CLMN: variants seen among roughly 807,000 people sequenced by gnomAD.
The protein encoded by CLMN is calmin.
A neutral mutation model predicts 92.7 loss-of-function variants in CLMN; 57 were observed. The ratio of observed to expected loss-of-function variants is 0.61; its 90% CI spans 0.50 to 0.77. CLMN has a LOEUF of 0.77. CLMN is among the 30% of genes least tolerant of loss of function. The pLI is 0.00. For missense variants in CLMN, 1,158 were observed against 1,237.5 expected, an observed-to-expected ratio of 0.94 and a Z score of 0.96; for synonymous variants, 466 against 470.6, an observed-to-expected ratio of 0.99 and a Z score of 0.13.
chr14:95,193,763 G>A, intron 12 of CLMN, 86 bp downstream of exon 12: 2 of 1,499,754 alleles, frequency 1.3e-6, no homozygotes, highest in Admixed American at 1.9e-5. Flanking sequence ...AAAGCAGTGG[G>A]AGAATAACCA....
chr14:95,230,097 C>T lies in CLMN; in HGVS notation c.119G>A (p.Arg40Gln). The change falls in exon 2 of 13, where the codon CGA becomes CAA. Residue 40 changes from arginine to glutamine, a missense_variant. Arg to Gln is a conservative substitution (Grantham distance 43, BLOSUM62 1). Transcript: ENST00000298912. Reference sequence around the variant, plus strand: ...CTTTTCTAGATGTAGATTTATCCATCGTGTAAAGGTCCTCTTCTGCACATT... The same window carrying T: ...CTTTTCTAGATGTAGATTTATCCATTGTGTAAAGGTCCTCTTCTGCACATT... ...RENVQKRTFT[R>Q]WINLHLEKCN... is the part of the protein sequence containing the mutation. 1 of 1,614,184 alleles carries T rather than the reference C, an allele frequency of 6.2e-7. No homozygotes were observed. The highest frequency in any genetic ancestry group is 2.2e-5 in the East Asian group (1 of 44,890).
At chr14:95,193,038 C>A (rs1301816614) in intron 12 of CLMN, 1 of 344,902 alleles carries the variant, frequency 2.9e-6, no homozygotes, top group Non-Finnish European at 5.2e-6. Context: ...GGATGGGGTT[C>A]TAATGACCAC....
intron 3 of CLMN, chr14:95,222,748 C>T (rs1432722705): frequency 1.1e-5 from 4 of 350,844 alleles, no homozygotes; most frequent in South Asian, 8.9e-5. Flanking sequence ...TACTGCGTAG[C>T]CCTCTGCGGG....
At chr14:95,305,178 C>T (rs947848503) in intron 1 of CLMN, among the ~76,000 whole-genome samples, 3 of 152,206 alleles carry the variant, frequency 2.0e-5, no homozygotes, top group African/African-American at 4.8e-5. Flanking sequence ...TAGTGCAGCT[C>T]CCAAAGCAGA....
chr14:95,319,908 C>A lies in CLMN; in HGVS notation c.-116G>T, dbSNP rs1901977400. The A allele has an allele frequency of 5.9e-6, 1 of 170,876 alleles. No homozygotes were observed. The highest frequency in any genetic ancestry group is 7.1e-6 in the Non-Finnish European group (1 of 140,964). 10.6% of individuals were successfully genotyped at this position (170,876 alleles called of 1,614,324 possible). On this transcript the variant is annotated 5_prime_UTR_variant, in exon 1 of 13. Coordinates refer to ENST00000298912, the MANE Select transcript of CLMN (RefSeq NM_024734.4). ...CGAGGGCGCCGCGGAGCTGGAGTCG[C>A]GGCGGGCGCGGGCGGGGCGCGGGCG...
chr14:95,284,845 T>C (rs1237045350), intron 1 of CLMN, among the ~76,000 whole-genome samples: 1 of 152,186 alleles, frequency 6.6e-6, no homozygotes, highest in Non-Finnish European at 1.5e-5. Flanking sequence ...GGGTTAATGC[T>C]GAAATTAGTT....
At chr14:95,258,886 G>A (rs1206145820) in intron 1 of CLMN, among the ~76,000 whole-genome samples, 2 of 151,456 alleles carry the variant, frequency 1.3e-5, no homozygotes, top group South Asian at 2.1e-4. Flanking sequence ...TCTGTGGTGT[G>A]TGTGTGGAGG....
intron 1 of CLMN, among the ~76,000 whole-genome samples, chr14:95,255,012 G>C (rs577607417): frequency 6.6e-6 from 1 of 152,250 alleles, no homozygotes; most frequent in East Asian, 1.9e-4. Context: ...AAGTTAAAAC[G>C]AGGCCTTTCG....
intron 8 of CLMN, among the ~76,000 whole-genome samples, chr14:95,205,962 C>G (rs144418836): frequency 6.6e-6 from 1 of 151,924 alleles, no homozygotes; most frequent in South Asian, 2.1e-4. Context: ...AGATGAAACC[C>G]GTATAAACGT....
At chr14:95,312,234 T>G (rs1901574050) in intron 1 of CLMN, among the ~76,000 whole-genome samples, 1 of 152,160 alleles carries the variant, frequency 6.6e-6, no homozygotes, top group African/African-American at 2.4e-5. Context: ...CTCTCTGTAC[T>G]GAGAACTCCT....
chr14:95,191,854 A>G lies in CLMN; in HGVS notation c.2841-122T>C, dbSNP rs1451826502. 27 of 893,660 alleles carry G rather than the reference A, an allele frequency of 3.0e-5. No homozygotes were observed. Among genetic ancestry groups the G allele is most frequent in the Non-Finnish European group, 4.2e-5 (25 of 598,098 alleles). The allele number at this position is 893,660 out of a possible 1,614,324, so 55.4% of individuals were successfully genotyped here. A position where few individuals can be genotyped will look rare whatever the true frequency, so the allele number is the denominator to read the frequency against. ...CCGCCTGAAGACCCGAAGGCTCCCC[A>G]GCACCATGTCCAGGTAGGCCCCACA... is the stretch of plus-strand genomic sequence containing the variant. On this transcript the variant is annotated intron_variant, in intron 12 of 12. Transcript: ENST00000298912. The surrounding 1 kb of genome is among the most constrained non-coding windows in gnomAD (Gnocchi z 5.3).
At chr14:95,302,414 A>T (rs1445429571) in intron 1 of CLMN, among the ~76,000 whole-genome samples, 1 of 152,204 alleles carries the variant, frequency 6.6e-6, no homozygotes, top group Non-Finnish European at 1.5e-5. Context: ...GAAATATAAC[A>T]TGAGCCACAC....
intron 1 of CLMN, among the ~76,000 whole-genome samples, chr14:95,289,506 T>C (rs12897310): frequency 0.12 from 7,943 of 65,504 alleles, 261 homozygotes; most frequent in Middle Eastern, 0.21. Flanking sequence ...AATAAATAAA[T>C]AAACAAACAA....
At chr14:95,205,528 T>A (rs1050823865) in intron 8 of CLMN, among the ~76,000 whole-genome samples, 4 of 152,142 alleles carry the variant, frequency 2.6e-5, no homozygotes, top group Non-Finnish European at 5.9e-5. Flanking sequence ...AAATATATGG[T>A]CAATAGAAAA....
chr14:95,189,100 C>T lies in CLMN; in HGVS notation c.*2464G>A, dbSNP rs536511725. On this transcript the variant is annotated 3_prime_UTR_variant, in exon 13 of 13. Coordinates refer to ENST00000298912, the MANE Select transcript of CLMN (RefSeq NM_024734.4). ...GGGAGTCAACAATCCTTAAGTGCTC[C>T]AGGTAATGTCAACACCTAATAGAAA... is the stretch of plus-strand genomic sequence containing the variant. The T allele has an allele frequency of 6.6e-6, 1 of 152,160 alleles. No individual in the cohort carries two copies. Among genetic ancestry groups the T allele is most frequent in the Admixed American group, 6.5e-5 (1 of 15,280 alleles). The allele number at this position is 152,160 out of a possible 1,614,324, so 9.4% of individuals were successfully genotyped here.
chr14:95,202,901 C>A lies in CLMN; in HGVS notation c.2448G>T (p.Leu816=). The part of the protein sequence containing the change: ...GTTPASEPAP[L]APHEDHQQRE... ...TTTGCTGGTGGTCCTCATGGGGGGC[C>A]AGTGGAGCGGGTTCTGAGGCTGGTG... The change falls in exon 9 of 13, where the codon CTG becomes CTT. Residue 816 remains leucine, a synonymous_variant. Coordinates refer to ENST00000298912, the MANE Select transcript of CLMN (RefSeq NM_024734.4). The A allele has an allele frequency of 6.3e-7, 1 of 1,583,266 alleles. No homozygotes were observed. Among genetic ancestry groups the A allele is most frequent in the Non-Finnish European group, 8.6e-7 (1 of 1,168,838 alleles).
At chr14:95,198,760 T>A (rs1256655577) in intron 9 of CLMN, among the ~76,000 whole-genome samples, 1 of 152,158 alleles carries the variant, frequency 6.6e-6, no homozygotes, top group African/African-American at 2.4e-5. Flanking sequence ...CCTGTCCAAG[T>A]GCTGGACACA....
intron 1 of CLMN, among the ~76,000 whole-genome samples, chr14:95,241,317 C>T (rs1033459637): frequency 1.3e-5 from 2 of 152,030 alleles, no homozygotes; most frequent in East Asian, 1.9e-4. Flanking sequence ...TGGGAAAGTC[C>T]TAGGTAAACC....
intron 1 of CLMN, among the ~76,000 whole-genome samples, chr14:95,295,953 A>T (rs2140769653): frequency 6.6e-6 from 1 of 152,348 alleles, no homozygotes; most frequent in East Asian, 1.9e-4. Flanking sequence ...TGCTGAAAAC[A>T]ACCCAAACTT....
Sources: gnomAD v4.1 joint callset for allele counts (sites outside exome capture counted in the v4.1 genomes callset) on GRCh38, gnomAD v4.1.1 for gene constraint, Gnocchi (gnomAD v3.1) non-coding constraint, MANE v1.5 for transcripts, NCBI Gene and HGNC (gene_info 2026-07-23, HGNC 2026-07-21) for gene names.